The following SKI variants were observed in gnomAD, a reference collection of about 807,000 sequenced individuals.
SKI encodes SKI proto-oncogene, also known as ski oncogene.
Under a neutral mutation model 59.3 loss-of-function variants are expected in SKI, and 23 were observed. That is an observed-to-expected ratio of 0.39 (90% CI 0.28 to 0.55). SKI has a LOEUF of 0.55. Among genes scored for constraint, SKI ranks in the 20% least tolerant of loss-of-function variants. The pLI, the probability that SKI is intolerant of heterozygous loss-of-function variation, is 0.67. For synonymous variants in SKI, 673 were observed against 488.6 expected, an observed-to-expected ratio of 1.38 and a Z score of -4.98; for missense variants, 1,017 against 1,038.9, an observed-to-expected ratio of 0.98 and a Z score of 0.29.
rs541294113 is a variant in SKI, at chr1:2,292,739, G to A, written c.970-10239G>A. ...AGTGTCCTCTGCCTGTGCCCCTGCT[G>A]GGGAGGACGTGAGGGCCTGTGGCTT... On this transcript the variant is annotated intron_variant, in intron 1 of 6. Coordinates refer to ENST00000378536, the MANE Select transcript of SKI (RefSeq NM_003036.4). Among the ~76,000 whole-genome samples, 12 of 152,352 alleles carry A rather than the reference G, an allele frequency of 7.9e-5. No individual in the cohort carries two copies. In the South Asian group the frequency reaches 1.7e-3, roughly 21 times the overall value.
At chr1:2,304,216 C>T (rs895275234) in intron 4 of SKI, 77 bp from the exon 5 acceptor site, 51 of 1,557,980 alleles carry the variant, frequency 3.3e-5, no homozygotes, top group East Asian at 4.8e-5. Context: ...CAGGTTCCTC[C>T]GGGAGCGGCG....
chr1:2,228,921 C>G lies in SKI; in HGVS notation c.155C>G (p.Ala52Gly). 2.2e-6 allele frequency: 3 copies of G among 1,393,282 alleles called. No homozygotes were observed. The highest frequency in any genetic ancestry group is 3.4e-5 in the East Asian group (1 of 29,730). 86.3% of individuals were successfully genotyped at this position (1,393,282 alleles called of 1,614,324 possible). Residue 52 changes from alanine to glycine, a missense_variant, in exon 1 of 7, where the codon GCC becomes GGC. By Grantham distance (60) the Ala-to-Gly change is moderately conservative. Transcript: ENST00000378536. ...WAQEAYKKES[A>G]KEAGAAAVPA... is the part of the protein sequence containing the mutation. ...CAGGAGGCCTACAAGAAGGAGAGCG[C>G]CAAGGAGGCGGGCGCGGCCGCGGTG...
At chr1:2,287,527 G>A (rs148695985) in intron 1 of SKI, among the ~76,000 whole-genome samples, 222 of 152,094 alleles carry the variant, frequency 1.5e-3, no homozygotes, top group Middle Eastern at 0.01. Context: ...TAGTAGAGAC[G>A]GGGTTTCACT....
rs1638555288 is a variant in SKI, at chr1:2,228,602, T to G, written c.-165T>G. Reference sequence around the variant, plus strand: ...CCCCTTCGCCCCGCCCGCCTTCCCCTTCGCGCCCCCGGGCGAGGCCGCGGC... The same window carrying G: ...CCCCTTCGCCCCGCCCGCCTTCCCCGTCGCGCCCCCGGGCGAGGCCGCGGC... On this transcript the variant is annotated 5_prime_UTR_variant, in exon 1 of 7. Coordinates refer to ENST00000378536, the MANE Select transcript of SKI (RefSeq NM_003036.4). The G allele has an allele frequency of 6.0e-6, 1 of 166,886 alleles. No individual in the cohort carries two copies. The highest frequency in any genetic ancestry group is 1.1e-5 in the Non-Finnish European group (1 of 88,982). The allele number at this position is 166,886 out of a possible 1,614,324, so 10.3% of individuals were successfully genotyped here.
intron 1 of SKI, among the ~76,000 whole-genome samples, chr1:2,254,960 G>A (rs1240122621): frequency 6.6e-6 from 1 of 152,128 alleles, no homozygotes. Context: ...GACATGGCTG[G>A]GCACTGCCCC....
intron 1 of SKI, among the ~76,000 whole-genome samples, chr1:2,291,974 C>A (rs913670961): frequency 6.6e-6 from 1 of 152,158 alleles, no homozygotes; most frequent in Non-Finnish European, 1.5e-5. Flanking sequence ...TTAATTTAAG[C>A]CCAATATGAA....
chr1:2,229,759 C>G lies in SKI; in HGVS notation c.969+24C>G. 6.4e-7 allele frequency: 1 copy of G among 1,551,432 alleles called. No individual in the cohort carries two copies. Among genetic ancestry groups the G allele is most frequent in the South Asian group, 1.2e-5 (1 of 84,104 alleles). ...GGGTGAGTGGCCCCAGGCCTGGGAG[C>G]TGGGGAGGATGCGCTTGGGGTGGGG... On this transcript the variant is annotated intron_variant, in intron 1 of 6. Coordinates refer to ENST00000378536, the MANE Select transcript of SKI (RefSeq NM_003036.4). The surrounding 1 kb of genome is among the most constrained non-coding windows in gnomAD (Gnocchi z 6.3).
At position 2,306,802 on chromosome 1, in the gene SKI, G is replaced by C. The variant is rs1640600820; in HGVS notation, c.*37G>C. 8 of 1,408,080 alleles carry C rather than the reference G, an allele frequency of 5.7e-6. No individual in the cohort carries two copies. The highest frequency in any genetic ancestry group is 3.1e-5 in the African/African-American group (2 of 65,244). The allele number at this position is 1,408,080 out of a possible 1,614,324, so 87.2% of individuals were successfully genotyped here. A position where few individuals can be genotyped will look rare whatever the true frequency, so the allele number is the denominator to read the frequency against. ...GCCGCCGCAGCGCCGCCGACAACGC[G>C]GGTGCAGGGGGGCGCGGCTGGGCGG... On this transcript the variant is annotated 3_prime_UTR_variant, in exon 7 of 7. Coordinates refer to ENST00000378536, the MANE Select transcript of SKI (RefSeq NM_003036.4).
chr1:2,298,541 C>T (rs1274923509), intron 1 of SKI, among the ~76,000 whole-genome samples: 1 of 152,188 alleles, frequency 6.6e-6, no homozygotes, highest in Non-Finnish European at 1.5e-5. Flanking sequence ...GAGGCGGGAC[C>T]CTGCCCGGGT....
At chr1:2,286,021 G>A (rs540138322) in intron 1 of SKI, among the ~76,000 whole-genome samples, 33 of 151,892 alleles carry the variant, frequency 2.2e-4, no homozygotes, top group African/African-American at 5.8e-4. Flanking sequence ...CTACAGGCAC[G>A]CACTGCCACA....
intron 1 of SKI, among the ~76,000 whole-genome samples, chr1:2,290,426 C>A (rs1569830493): frequency 6.6e-6 from 1 of 152,190 alleles, no homozygotes; most frequent in African/African-American, 2.4e-5. Flanking sequence ...AGCCTGAGCA[C>A]CTCTCTGGCT....
At chr1:2,250,859 C>T (rs766302203) in intron 1 of SKI, among the ~76,000 whole-genome samples, 5 of 152,384 alleles carry the variant, frequency 3.3e-5, no homozygotes, top group South Asian at 2.1e-4. Context: ...TGGCAGGGCC[C>T]GGACGGGCAG....
At chr1:2,276,852 C>T (rs1557834792) in intron 1 of SKI, among the ~76,000 whole-genome samples, 1 of 152,206 alleles carries the variant, frequency 6.6e-6, no homozygotes, top group Non-Finnish European at 1.5e-5. Flanking sequence ...TCAGGAACGC[C>T]TCTGTTGAGG....
chr1:2,303,545 G>A lies in SKI; in HGVS notation c.1211+145G>A. The A allele has an allele frequency of 2.6e-6, 2 of 762,780 alleles. No homozygotes were observed. The highest frequency in any genetic ancestry group is 4.3e-6 in the Non-Finnish European group (2 of 469,556). 47.3% of individuals were successfully genotyped at this position (762,780 alleles called of 1,614,324 possible). ...GGCAGTCTCGGTGTTGGTTCCTTTG[G>A]CTGGCATCAGGGAGAGCACACCTAG... On this transcript the variant is annotated intron_variant, in intron 3 of 6. Coordinates refer to ENST00000378536, the MANE Select transcript of SKI (RefSeq NM_003036.4). The surrounding 1 kb of genome is among the most constrained non-coding windows in gnomAD (Gnocchi z 5.6).
intron 1 of SKI, among the ~76,000 whole-genome samples, chr1:2,288,453 C>A (rs1485003631): frequency 6.6e-6 from 1 of 152,196 alleles, no homozygotes; most frequent in Non-Finnish European, 1.5e-5. Context: ...ATGTTCCGAT[C>A]CCTGAATTCG....
intron 1 of SKI, among the ~76,000 whole-genome samples, chr1:2,280,482 A>G (rs551281092): frequency 1.3e-5 from 2 of 152,158 alleles, no homozygotes; most frequent in Non-Finnish European, 2.9e-5. Context: ...CGGACATTAA[A>G]ATACCCCGGA....
At chr1:2,243,886 T>C (rs940678800) in intron 1 of SKI, among the ~76,000 whole-genome samples, 4 of 152,204 alleles carry the variant, frequency 2.6e-5, no homozygotes, top group Non-Finnish European at 4.4e-5. Context: ...TAGATCTTTG[T>C]TCACGTTTCT....
chr1:2,254,340 C>T lies in SKI; in HGVS notation c.969+24605C>T, dbSNP rs1241294124. ...TCGGCTCTGCTCTCCCCCCGTGGGTCTTCGTGTCACAGGGTGCTTGGGGGA... is the reference window on the plus strand; with the variant it reads ...TCGGCTCTGCTCTCCCCCCGTGGGTTTTCGTGTCACAGGGTGCTTGGGGGA... On this transcript the variant is annotated intron_variant, in intron 1 of 6. Coordinates refer to ENST00000378536, the MANE Select transcript of SKI (RefSeq NM_003036.4). Among the ~76,000 whole-genome samples, 5 of 152,154 alleles carry T rather than the reference C, an allele frequency of 3.3e-5. No homozygotes were observed. The South Asian group carries it at 1.0e-3, about 32-fold the overall frequency.
Position 2,268,768 on chromosome 1 carries a change from G to A in SKI, c.970-34210G>A, listed in dbSNP as rs1216463474. Among the ~76,000 whole-genome samples the A allele has an allele frequency of 3.3e-5, 5 of 152,184 alleles. No individual in the cohort carries two copies. Among genetic ancestry groups the A allele is most frequent in the Non-Finnish European group, 7.3e-5 (5 of 68,040 alleles). The stretch of plus-strand genomic sequence containing the variant: ...GAGGCCATGACAGGAGTGGGTGTGG[G>A]GACTGGTGGGGACAGCGACTGTGCC... On this transcript the variant is annotated intron_variant, in intron 1 of 6. Coordinates refer to ENST00000378536, the MANE Select transcript of SKI (RefSeq NM_003036.4). This position sits in a 1 kb window ranked among gnomAD's most constrained non-coding sequence, Gnocchi z 5.0.
Sources: allele counts gnomAD v4.1 joint callset (sites outside exome capture counted in the v4.1 genomes callset), GRCh38; gene constraint gnomAD v4.1.1; non-coding constraint Gnocchi (gnomAD v3.1); transcripts MANE v1.5; gene names NCBI Gene and HGNC (gene_info 2026-07-23, HGNC 2026-07-21).